RUFY2: variants seen among roughly 807,000 people sequenced by gnomAD.
RUFY2 encodes the protein RUN and FYVE domain-containing protein 2.
A neutral mutation model predicts 94.4 loss-of-function variants in RUFY2; 49 were observed. The observed-to-expected ratio is 0.52, with a 90% CI of 0.41 to 0.66. The LOEUF (loss-of-function observed/expected upper bound fraction) is 0.66. Ranked by LOEUF, RUFY2 falls within the 30% of genes least tolerant of loss-of-function variation. The pLI is 0.00. For synonymous variants in RUFY2, 255 were observed against 235.7 expected (o/e 1.08, Z -0.75); for missense variants, 541 against 692.8 (o/e 0.78, Z 2.46).
intron 3 of RUFY2, among the ~76,000 whole-genome samples, chr10:68,400,530 G>C (rs569628171): frequency 1.3e-5 from 2 of 149,100 alleles, no homozygotes; most frequent in South Asian, 4.3e-4. Context: ...CAAAAAATCA[G>C]CCAGGCATGG....
At chr10:68,355,695 A>ATT (rs1319037604) in intron 15 of RUFY2, 9 of 209,526 alleles carry the variant, frequency 4.3e-5, no homozygotes, top group Non-Finnish European at 7.7e-5. Flanking sequence ...CCCGCGGATC[A>ATT]CGAGGTCAGG....
At chr10:68,360,187 C>A (rs2047362302) in intron 15 of RUFY2, among the ~76,000 whole-genome samples, 1 of 152,046 alleles carries the variant, frequency 6.6e-6, no homozygotes, top group South Asian at 2.1e-4. Flanking sequence ...GTAATCCCAA[C>A]ACTTTGTGAG....
At chr10:68,376,055 G>A (rs564303421) in intron 13 of RUFY2, among the ~76,000 whole-genome samples, 2 of 143,186 alleles carry the variant, frequency 1.4e-5, no homozygotes, top group East Asian at 2.2e-4. Context: ...AGCCACCAAG[G>A]TCGTGCCATT....
chr10:68,343,713 A>G lies in RUFY2; in HGVS notation c.*2055T>C, dbSNP rs1244955330. 6.6e-6 allele frequency: 1 copy of G among 151,422 alleles called. No individual in the cohort carries two copies. The highest frequency in any genetic ancestry group is 6.6e-5 in the Admixed American group (1 of 15,136). 9.4% of individuals were successfully genotyped at this position (151,422 alleles called of 1,614,324 possible). ...ACGAGTTCACAATCACGAAATACAGATTGTTAAAAGTCTTGTAACAGAAAA... is the reference window on the plus strand; with the variant it reads ...ACGAGTTCACAATCACGAAATACAGGTTGTTAAAAGTCTTGTAACAGAAAA... On this transcript the variant is annotated 3_prime_UTR_variant, in exon 18 of 18. Coordinates refer to ENST00000602465, the MANE Select transcript of RUFY2 (RefSeq NM_001330103.2).
rs941880887 is a variant in RUFY2, at chr10:68,395,317, A to G, written c.399-866T>C. Among the ~76,000 whole-genome samples the G allele has an allele frequency of 7.2e-5, 11 of 151,988 alleles. No individual in the cohort carries two copies. In the South Asian group the frequency reaches 1.7e-3, roughly 23 times the overall value. On this transcript the variant is annotated intron_variant, in intron 4 of 17. Coordinates refer to ENST00000602465, the MANE Select transcript of RUFY2 (RefSeq NM_001330103.2). ...CGCACCACTGCACTCCAGCCTGGGCAACAGAACAAGACTCCATCTCAAGAA... is the reference window on the plus strand; with the variant it reads ...CGCACCACTGCACTCCAGCCTGGGCGACAGAACAAGACTCCATCTCAAGAA...
At position 68,343,616 on chromosome 10, in the gene RUFY2, T is replaced by C. The variant is rs916264306; in HGVS notation, c.*2152A>G. On this transcript the variant is annotated 3_prime_UTR_variant, in exon 18 of 18. Transcript: ENST00000602465. ...CAATTGTAATTCCCTGGCACCATGA[T>C]AGCATTATTGTGGTAGTACTGCTAG... 1 of 152,500 alleles carries C rather than the reference T, an allele frequency of 6.6e-6. No homozygotes were observed. The highest frequency in any genetic ancestry group is 6.6e-5 in the Admixed American group (1 of 15,258). The allele number at this position is 152,500 out of a possible 1,614,324, so 9.4% of individuals were successfully genotyped here.
At chr10:68,359,582 T>TAA in intron 15 of RUFY2, among the ~76,000 whole-genome samples, 1 of 146,444 alleles carries the variant, frequency 6.8e-6, no homozygotes, top group South Asian at 2.1e-4. Context: ...CTACTATATA[T>TAA]AAATATACAT....
intron 7 of RUFY2, among the ~76,000 whole-genome samples, chr10:68,386,968 C>A (rs954235930): frequency 6.6e-6 from 1 of 152,152 alleles, no homozygotes; most frequent in Non-Finnish European, 1.5e-5. Flanking sequence ...AACACCCTGT[C>A]TTTCAAAGGA....
At chr10:68,360,704 T>C (rs1476186870) in intron 15 of RUFY2, among the ~76,000 whole-genome samples, 1 of 151,678 alleles carries the variant, frequency 6.6e-6, no homozygotes, top group Non-Finnish European at 1.5e-5. Flanking sequence ...GCTGAGATAC[T>C]GCCACTGCAC....
At chr10:68,352,919 CAAA>C (rs964749208) in intron 16 of RUFY2, among the ~76,000 whole-genome samples, 2 of 140,234 alleles carry the variant, frequency 1.4e-5, no homozygotes, top group African/African-American at 5.3e-5. Flanking sequence ...GACTCCATCT[CAAA>C]AAAAAAAGAG....
chr10:68,355,627 A>C, intron 15 of RUFY2: 3 of 345,610 alleles, frequency 8.7e-6, no homozygotes, highest in Non-Finnish European at 1.6e-5. Context: ...AAATATTGGC[A>C]TTTTCGGCTG....
chr10:68,393,381 A>G (rs2050147308), intron 6 of RUFY2, among the ~76,000 whole-genome samples, 178 bp from the exon 7 acceptor site: 1 of 152,208 alleles, frequency 6.6e-6, no homozygotes, highest in Admixed American at 6.5e-5. Context: ...TTTGTTGAAT[A>G]AATTACTTGC....
rs1376642714 is a variant in RUFY2, at chr10:68,345,687, G to GAGCT, written c.*77_*80dup. The GAGCT allele has an allele frequency of 7.6e-7, 1 of 1,313,196 alleles. No individual in the cohort carries two copies. Among genetic ancestry groups the GAGCT allele is most frequent in the African/African-American group, 1.5e-5 (1 of 67,834 alleles). The allele number at this position is 1,313,196 out of a possible 1,614,324, so 81.3% of individuals were successfully genotyped here. ...ATACTGACCGAAAGCCGCTTAAGGA[G>GAGCT]AGCTGTCTGGTTACCTTTGTATACA... On this transcript the variant is annotated 3_prime_UTR_variant, in exon 18 of 18. Transcript: ENST00000602465.
intron 15 of RUFY2, among the ~76,000 whole-genome samples, chr10:68,359,785 G>A (rs1231999736): frequency 6.1e-5 from 9 of 146,594 alleles, no homozygotes; most frequent in Non-Finnish European, 6.0e-5. Context: ...GAACAACTCC[G>A]TCTCAAAAAA....
At chr10:68,404,572 A>C in intron 2 of RUFY2, 99 bp downstream of exon 2, 1 of 698,404 alleles carries the variant, frequency 1.4e-6, no homozygotes, top group Non-Finnish European at 2.1e-6. Context: ...TTTTTAGTGC[A>C]CAGTAACGTA....
intron 13 of RUFY2, among the ~76,000 whole-genome samples, chr10:68,369,160 T>C (rs1477744955): frequency 3.9e-5 from 6 of 152,168 alleles, no homozygotes; most frequent in African/African-American, 1.2e-4. Context: ...AAAACTCACA[T>C]TGAAACTTAA....
At chr10:68,368,184 G>C (rs993487883) in intron 13 of RUFY2, among the ~76,000 whole-genome samples, 1 of 150,982 alleles carries the variant, frequency 6.6e-6, no homozygotes, top group Non-Finnish European at 1.5e-5. Flanking sequence ...GGTCAGGCTG[G>C]TCTCGAACTC....
chr10:68,404,169 A>G (rs886635619), intron 2 of RUFY2, among the ~76,000 whole-genome samples: 6 of 152,246 alleles, frequency 3.9e-5, no homozygotes, highest in Non-Finnish European at 7.3e-5. Flanking sequence ...CAATAATTCA[A>G]TATGTACTGA....
At chr10:68,348,889 A>G (rs2046463509) in intron 16 of RUFY2, among the ~76,000 whole-genome samples, 1 of 152,202 alleles carries the variant, frequency 6.6e-6, no homozygotes, top group Admixed American at 6.5e-5. Flanking sequence ...AAGAGCTAAG[A>G]CTAGAACGGA....
Sources: gnomAD v4.1 joint callset for allele counts (sites outside exome capture counted in the v4.1 genomes callset) on GRCh38, gnomAD v4.1.1 for gene constraint, MANE v1.5 for transcripts, NCBI Gene and HGNC (gene_info 2026-07-23, HGNC 2026-07-21) for gene names.